Variants in TMEM132D observed in about 807,000 individuals in gnomAD.
TMEM132D encodes mature OL transmembrane protein.
A neutral mutation model predicts 62.3 loss-of-function variants in TMEM132D; 21 were observed. That is an observed-to-expected ratio of 0.34 (90% CI 0.24 to 0.49). The LOEUF (loss-of-function observed/expected upper bound fraction) is 0.49. TMEM132D is among the 20% of genes least tolerant of loss of function. TMEM132D has a pLI of 0.99. For synonymous variants in TMEM132D, 621 were observed against 575.6 expected (o/e 1.08, Z -1.13); for missense variants, 1,346 against 1,402.8 (o/e 0.96, Z 0.65).
chr12:129,538,791 G>A (rs2137095678), intron 2 of TMEM132D, among the ~76,000 whole-genome samples: 1 of 152,368 alleles, frequency 6.6e-6, no homozygotes, highest in South Asian at 2.1e-4. Context: ...GACTGGCACA[G>A]GCCCTGTGAT....
intron 3 of TMEM132D, among the ~76,000 whole-genome samples, chr12:129,490,596 A>ATTTTTTTTTTTTTTTTTTTTTTTTTTTT (rs35535325): frequency 1.4e-5 from 1 of 71,122 alleles, no homozygotes; most frequent in Admixed American, 1.8e-4. Context: ...CGCCCGGCTA[A>ATTTTTTTTTTTTTTTTTTTTTTTTTTTT]TTTTTTTTTT....
intron 1 of TMEM132D, among the ~76,000 whole-genome samples, chr12:129,875,228 T>C (rs1228675261): frequency 6.6e-6 from 1 of 152,214 alleles, no homozygotes; most frequent in Non-Finnish European, 1.5e-5. Flanking sequence ...CGCAAGGTCG[T>C]GGCTTAGAAG....
chr12:129,082,790 T>C (rs1301918539), intron 6 of TMEM132D, among the ~76,000 whole-genome samples: 1 of 152,190 alleles, frequency 6.6e-6, no homozygotes, highest in African/African-American at 2.4e-5. Flanking sequence ...AGTGCAGTGG[T>C]GCAATTTCAG....
intron 2 of TMEM132D, among the ~76,000 whole-genome samples, chr12:129,585,000 C>A (rs1251994526): frequency 5.9e-5 from 9 of 151,916 alleles, no homozygotes. Flanking sequence ...GCAGTTTCCT[C>A]GATTGCAAAA....
intron 4 of TMEM132D, among the ~76,000 whole-genome samples, chr12:129,330,567 G>T (rs1251693507): frequency 6.6e-6 from 1 of 152,188 alleles, no homozygotes; most frequent in African/African-American, 2.4e-5. Context: ...TGGATGAATG[G>T]GTTATCATGG....
chr12:129,799,037 G>A (rs9737910), intron 1 of TMEM132D, among the ~76,000 whole-genome samples: 134,584 of 152,250 alleles, frequency 0.88, 59,744 homozygotes, highest in Middle Eastern at 0.92. Flanking sequence ...AGGCCAAGGC[G>A]GGCGGATCAC....
chr12:129,140,910 G>A (rs948258763), intron 5 of TMEM132D, among the ~76,000 whole-genome samples: 4 of 151,802 alleles, frequency 2.6e-5, no homozygotes, highest in African/African-American at 4.8e-5. Flanking sequence ...CCTTCTGATC[G>A]CGAGGAAGCA....
chr12:129,863,030 T>A (rs769544369), intron 1 of TMEM132D, among the ~76,000 whole-genome samples: 1 of 152,166 alleles, frequency 6.6e-6, no homozygotes, highest in Non-Finnish European at 1.5e-5. Context: ...AGGCCATTCA[T>A]CAATTCATTC....
intron 4 of TMEM132D, among the ~76,000 whole-genome samples, chr12:129,279,602 G>A (rs1593321269): frequency 1.3e-5 from 2 of 151,720 alleles, no homozygotes; most frequent in South Asian, 4.2e-4. Flanking sequence ...TCTTTCAGTA[G>A]AGAGATCTGG....
chr12:129,208,452 T>G (rs1020288859), intron 5 of TMEM132D: 2 of 152,538 alleles, frequency 1.3e-5, no homozygotes, highest in African/African-American at 4.8e-5. Flanking sequence ...CTGAAACCCA[T>G]AAGGATGGAC....
intron 5 of TMEM132D, among the ~76,000 whole-genome samples, chr12:129,193,625 A>G (rs1878472293): frequency 6.6e-6 from 1 of 152,264 alleles, no homozygotes; most frequent in Admixed American, 6.5e-5. Flanking sequence ...GAAATACCAT[A>G]AAAGGGAAAT....
chr12:129,753,029 T>C (rs12370102), intron 1 of TMEM132D, among the ~76,000 whole-genome samples: 13,096 of 152,284 alleles, frequency 0.086, 650 homozygotes, highest in South Asian at 0.14. Context: ...ATACGGATTT[T>C]AGTACAGTTT....
chr12:129,395,820 C>A lies in TMEM132D; in HGVS notation c.1116-58003G>T, dbSNP rs187773958. ...TATTTCTATATAGATATATCTATAACATACTGCTATAGATATATCTATATT... is the reference window on the plus strand; with the variant it reads ...TATTTCTATATAGATATATCTATAAAATACTGCTATAGATATATCTATATT... On this transcript the variant is annotated intron_variant, in intron 3 of 8. Transcript: ENST00000422113. 7.4e-3 allele frequency among the ~76,000 whole-genome samples: 705 copies of A among 95,262 alleles called. 2 individuals carry two copies. The highest frequency in any genetic ancestry group is 0.011 in the Non-Finnish European group (510 of 45,090). 62.5% of individuals were successfully genotyped at this position (95,262 alleles called of 152,430 possible). A position where few individuals can be genotyped will look rare whatever the true frequency, so the allele number is the denominator to read the frequency against.
chr12:129,417,942 T>C (rs983865582), intron 3 of TMEM132D, among the ~76,000 whole-genome samples: 2 of 152,090 alleles, frequency 1.3e-5, no homozygotes, highest in South Asian at 4.1e-4. Context: ...AAGAAACATA[T>C]GAAAAAAAGC....
chr12:129,120,169 T>C (rs1483428605), intron 5 of TMEM132D, among the ~76,000 whole-genome samples: 1 of 152,064 alleles, frequency 6.6e-6, no homozygotes, highest in Non-Finnish European at 1.5e-5. Context: ...CATTAGGGTG[T>C]TTTGTGCATG....
At position 129,174,604 on chromosome 12, in the gene TMEM132D, T is replaced by C. The variant is rs898260929; in HGVS notation, c.1443+34916A>G. On this transcript the variant is annotated intron_variant, in intron 5 of 8. Transcript: ENST00000422113. ...CTTGGGTATATACCCAGTAATGAGATTGCTGGGTCAAATGGCATCTCTGCT... is the reference window on the plus strand; with the variant it reads ...CTTGGGTATATACCCAGTAATGAGACTGCTGGGTCAAATGGCATCTCTGCT... Among the ~76,000 whole-genome samples the C allele has an allele frequency of 3.3e-5, 5 of 152,188 alleles. 1 individual carries two copies. In the East Asian group the frequency reaches 9.6e-4, roughly 29 times the overall value.
At chr12:129,655,512 G>T (rs1485655497) in intron 2 of TMEM132D, among the ~76,000 whole-genome samples, 1 of 152,030 alleles carries the variant, frequency 6.6e-6, no homozygotes, top group African/African-American at 2.4e-5. Context: ...CTCTCAAAGT[G>T]CTGGGATTAC....
intron 4 of TMEM132D, among the ~76,000 whole-genome samples, chr12:129,226,065 T>C (rs1030048794): frequency 6.6e-6 from 1 of 152,142 alleles, no homozygotes; most frequent in Non-Finnish European, 1.5e-5. Context: ...TTATGAGTGG[T>C]TTGAGGGACT....
intron 1 of TMEM132D, among the ~76,000 whole-genome samples, chr12:129,834,676 G>T (rs1872945681): frequency 6.6e-6 from 1 of 152,136 alleles, no homozygotes. Flanking sequence ...TGTGATGAAG[G>T]CATCAGGCGG....
Sources: allele counts gnomAD v4.1 joint callset (sites outside exome capture counted in the v4.1 genomes callset), GRCh38; gene constraint gnomAD v4.1.1; transcripts MANE v1.5; gene names NCBI Gene and HGNC (gene_info 2026-07-23, HGNC 2026-07-21).